The following BICC1 variants were observed in gnomAD, a reference collection of about 807,000 sequenced individuals.
BICC1 encodes the protein BicC family RNA binding protein 1.
In BICC1, 43 loss-of-function variants were observed where a neutral mutation model predicts 111.0. The ratio of observed to expected loss-of-function variants is 0.39; its 90% CI spans 0.30 to 0.50. BICC1 has a LOEUF of 0.50. BICC1 is among the 20% of genes least tolerant of loss of function. The pLI, the probability that BICC1 is intolerant of heterozygous loss-of-function variation, is 0.88. For missense variants in BICC1, 1,091 were observed against 1,203.2 expected, an observed-to-expected ratio of 0.91 and a Z score of 1.38; for synonymous variants, 467 against 434.4, an observed-to-expected ratio of 1.07 and a Z score of -0.93.
At chr10:58,722,952 G>A (rs1270602966) in intron 3 of BICC1, among the ~76,000 whole-genome samples, 1 of 152,166 alleles carries the variant, frequency 6.6e-6, no homozygotes, top group Non-Finnish European at 1.5e-5. Context: ...TGTTAAGGCT[G>A]TGGTTAACTA....
intron 3 of BICC1, among the ~76,000 whole-genome samples, chr10:58,709,885 T>C (rs1040632261): frequency 5.6e-4 from 86 of 152,306 alleles, no homozygotes; most frequent in African/African-American, 2.0e-3. Flanking sequence ...ACAGGACACC[T>C]GAATGAGTGA....
chr10:58,588,204 T>A (rs1314920079), intron 1 of BICC1, among the ~76,000 whole-genome samples: 1 of 152,220 alleles, frequency 6.6e-6, no homozygotes, highest in African/African-American at 2.4e-5. Flanking sequence ...CCCTGCCCCT[T>A]TTATTTACAG....
At chr10:58,741,666 G>GATAT (rs1344010641) in intron 3 of BICC1, among the ~76,000 whole-genome samples, 3 of 152,038 alleles carry the variant, frequency 2.0e-5, no homozygotes, top group African/African-American at 7.2e-5. Context: ...CATTACAAAC[G>GATAT]GGAAACTGAG....
chr10:58,751,674 A>G (rs1841995138), intron 3 of BICC1, among the ~76,000 whole-genome samples: 1 of 152,132 alleles, frequency 6.6e-6, no homozygotes, highest in African/African-American at 2.4e-5. Context: ...ACTGTTTCTT[A>G]CTGCTAGTCA....
intron 2 of BICC1, among the ~76,000 whole-genome samples, chr10:58,693,004 C>T (rs1413426547): frequency 6.6e-6 from 1 of 152,122 alleles, no homozygotes; most frequent in Admixed American, 6.6e-5. Flanking sequence ...AATGCTATCC[C>T]TCCCCACTCT....
chr10:58,817,571 A>C lies in BICC1; in HGVS notation c.2543A>C (p.Tyr848Ser). ...KRKQNKSTEH[Y>S]LSSSNYMDCI... ...CTCCTTTGCCTTTCAGCGGAACACTATCTCAGCAGTAGCAATTACATGGAC... is the reference window on the plus strand; with the variant it reads ...CTCCTTTGCCTTTCAGCGGAACACTCTCTCAGCAGTAGCAATTACATGGAC... The change falls in exon 19 of 21, where the codon TAT becomes TCT. Residue 848 changes from tyrosine to serine, a missense_variant. Transcript: ENST00000373886. 1 of 1,613,456 alleles carries C rather than the reference A, an allele frequency of 6.2e-7. No homozygotes were observed. Among genetic ancestry groups the C allele is most frequent in the Non-Finnish European group, 8.5e-7 (1 of 1,179,538 alleles).
Position 58,714,063 on chromosome 10 carries a change from C to T in BICC1, c.307+11920C>T, listed in dbSNP as rs536667821. On this transcript the variant is annotated intron_variant, in intron 3 of 20. Transcript: ENST00000373886. ...GAGCCGAGGGCCGCTGCTAAACATC[C>T]TACCCTGCAGAAGACAGCCGCCTCA... Among the ~76,000 whole-genome samples the T allele has an allele frequency of 3.3e-5, 5 of 152,290 alleles. No homozygotes were observed. The South Asian group carries it at 1.0e-3, about 32-fold the overall frequency.
At chr10:58,537,068 AC>A (rs1032278139) in intron 1 of BICC1, among the ~76,000 whole-genome samples, 23 of 149,464 alleles carry the variant, frequency 1.5e-4, no homozygotes, top group African/African-American at 5.3e-4. Flanking sequence ...AAACAAACAA[AC>A]CAAAAAAACA....
At chr10:58,775,288 C>G (rs773822898) in intron 3 of BICC1, among the ~76,000 whole-genome samples, 3 of 151,856 alleles carry the variant, frequency 2.0e-5, no homozygotes, top group Non-Finnish European at 4.4e-5. Flanking sequence ...GCAGGAGATT[C>G]ACTTGAATCT....
At position 58,793,609 on chromosome 10, in the gene BICC1, A is replaced by G. The variant is rs779336845; in HGVS notation, c.1173A>G (p.Pro391=). Residue 391 remains proline, a synonymous_variant, in exon 9 of 21, where the codon CCA becomes CCG. Transcript: ENST00000373886. ...FISIKPKPKQ[P]SKSVIVKSVE... ...GTATTAAACCAAAGCCCAAACAGCC[A>G]AGCAAGGTTGGTTCAGAGTCTGAAT... 2 of 1,613,776 alleles carry G rather than the reference A, an allele frequency of 1.2e-6. No individual in the cohort carries two copies. Among genetic ancestry groups the G allele is most frequent in the Non-Finnish European group, 1.7e-6 (2 of 1,179,888 alleles).
chr10:58,606,097 C>T (rs1341840476), intron 1 of BICC1, among the ~76,000 whole-genome samples: 5 of 151,970 alleles, frequency 3.3e-5, no homozygotes, highest in Non-Finnish European at 5.9e-5. Context: ...GGCCTGTTGG[C>T]CTGCTTCATC....
chr10:58,752,426 C>T (rs868060882), intron 3 of BICC1, among the ~76,000 whole-genome samples: 1 of 152,156 alleles, frequency 6.6e-6, no homozygotes, highest in African/African-American at 2.4e-5. Context: ...CCTGAACAAT[C>T]CTACTGTCTG....
chr10:58,549,550 T>C (rs1161422668), intron 1 of BICC1, among the ~76,000 whole-genome samples: 2 of 152,148 alleles, frequency 1.3e-5, no homozygotes, highest in African/African-American at 2.4e-5. Context: ...GAGATAATGA[T>C]GTTGAGCATC....
chr10:58,547,717 A>G (rs1209081955), intron 1 of BICC1, among the ~76,000 whole-genome samples: 3 of 152,088 alleles, frequency 2.0e-5, no homozygotes, highest in Admixed American at 6.6e-5. Flanking sequence ...ACTTTGGATT[A>G]TAATCTAATA....
intron 1 of BICC1, among the ~76,000 whole-genome samples, chr10:58,538,573 C>A (rs760490721): frequency 1.3e-5 from 2 of 151,794 alleles, no homozygotes; most frequent in Non-Finnish European, 2.9e-5. Context: ...AATAAGACAT[C>A]AAAAGCAAAT....
At chr10:58,800,143 C>G (rs1403414232) in intron 12 of BICC1, 51 bp from the exon 13 acceptor site, 2 of 1,408,368 alleles carry the variant, frequency 1.4e-6, no homozygotes, top group African/African-American at 1.4e-5. Context: ...TGATTTGACT[C>G]TCTGTAAAAT....
At chr10:58,581,716 A>G (rs1043094449) in intron 1 of BICC1, among the ~76,000 whole-genome samples, 1 of 152,178 alleles carries the variant, frequency 6.6e-6, no homozygotes, top group African/African-American at 2.4e-5. Flanking sequence ...ATACTGTATT[A>G]TAAATAAGAG....
intron 2 of BICC1, among the ~76,000 whole-genome samples, chr10:58,653,750 A>G (rs1476009361): frequency 6.6e-6 from 1 of 151,004 alleles, no homozygotes; most frequent in Non-Finnish European, 1.5e-5. Flanking sequence ...TTACATATGT[A>G]TACATGTGCC....
At chr10:58,762,797 G>C (rs943133926) in intron 3 of BICC1, among the ~76,000 whole-genome samples, 8 of 151,816 alleles carry the variant, frequency 5.3e-5, no homozygotes, top group African/African-American at 1.5e-4. Flanking sequence ...ACTTGAAAAT[G>C]TACTTTAAAA....
Sources: allele counts gnomAD v4.1 joint callset (sites outside exome capture counted in the v4.1 genomes callset), GRCh38; gene constraint gnomAD v4.1.1; transcripts MANE v1.5; gene names NCBI Gene and HGNC (gene_info 2026-07-23, HGNC 2026-07-21).